SGCZ: variants seen among roughly 807,000 people sequenced by gnomAD.
The protein encoded by SGCZ is sarcoglycan zeta.
In SGCZ, 40 loss-of-function variants were observed where a neutral mutation model predicts 41.3. That is an observed-to-expected ratio of 0.97 (90% CI 0.75 to 1.26). The LOEUF is 1.26. Among genes scored for constraint, SGCZ ranks in the 50% most tolerant of loss-of-function variants. The pLI is 0.00. For missense variants in SGCZ, 552 were observed against 369.8 expected (o/e 1.49, Z -4.04); for synonymous variants, 206 against 137.5 (o/e 1.50, Z -3.49).
chr8:14,484,076 T>C (rs150982954), intron 2 of SGCZ, among the ~76,000 whole-genome samples: 7,191 of 152,286 alleles, frequency 0.047, 222 homozygotes, highest in Middle Eastern at 0.078. Flanking sequence ...TGTTACTTTA[T>C]TATACCTGAA....
chr8:14,675,497 A>T (rs1546485), intron 1 of SGCZ, among the ~76,000 whole-genome samples: 104,666 of 151,956 alleles, frequency 0.69, 37,577 homozygotes, highest in African/African-American at 0.88. Context: ...TTTATTGACC[A>T]CTGTATACAC....
chr8:14,794,615 A>C (rs1442253306), intron 1 of SGCZ, among the ~76,000 whole-genome samples: 2 of 152,232 alleles, frequency 1.3e-5, no homozygotes, highest in Non-Finnish European at 2.9e-5. Context: ...GAAAGAAGTT[A>C]GAAAATAAAA....
intron 2 of SGCZ, among the ~76,000 whole-genome samples, chr8:14,394,682 A>G (rs1020331573): frequency 6.6e-6 from 1 of 152,154 alleles, no homozygotes; most frequent in Non-Finnish European, 1.5e-5. Context: ...CTAAACTACC[A>G]CTGTGGTAGT....
chr8:14,937,812 G>A (rs1010404359), intron 1 of SGCZ, among the ~76,000 whole-genome samples: 4 of 152,146 alleles, frequency 2.6e-5, no homozygotes, highest in Admixed American at 2.6e-4. Context: ...AATGCAGATT[G>A]TAATGAATGA....
intron 1 of SGCZ, among the ~76,000 whole-genome samples, chr8:14,739,286 T>A (rs1277783790): frequency 6.6e-6 from 1 of 151,944 alleles, no homozygotes; most frequent in Non-Finnish European, 1.5e-5. Flanking sequence ...ATCAAACATA[T>A]AAAGACAAGT....
chr8:14,265,226 C>T (rs954269482), intron 3 of SGCZ, among the ~76,000 whole-genome samples: 3 of 152,110 alleles, frequency 2.0e-5, no homozygotes, highest in African/African-American at 7.2e-5. Context: ...GTCATTGGCA[C>T]TCAAGGCGGC....
chr8:14,790,910 A>C (rs1800929224), intron 1 of SGCZ, among the ~76,000 whole-genome samples: 1 of 151,894 alleles, frequency 6.6e-6, no homozygotes, highest in Admixed American at 6.6e-5. Flanking sequence ...GCGCATCTGT[A>C]ATCCTACCCA....
At chr8:14,674,905 C>A (rs1470785668) in intron 1 of SGCZ, among the ~76,000 whole-genome samples, 1 of 140,984 alleles carries the variant, frequency 7.1e-6, no homozygotes, top group Admixed American at 7.1e-5. Flanking sequence ...TACAGTGAGC[C>A]AATTTAACCT....
chr8:14,178,609 G>A (rs988272018), intron 4 of SGCZ, among the ~76,000 whole-genome samples: 6 of 152,180 alleles, frequency 3.9e-5, no homozygotes, highest in African/African-American at 7.2e-5. Flanking sequence ...AGTGAGAACA[G>A]CTGAATTTTC....
chr8:14,766,693 C>A (rs1401849917), intron 1 of SGCZ, among the ~76,000 whole-genome samples: 1 of 150,056 alleles, frequency 6.7e-6, no homozygotes, highest in African/African-American at 2.5e-5. Flanking sequence ...TCCCAAGTAG[C>A]TGGGACCACA....
At position 14,245,533 on chromosome 8, in the gene SGCZ, T is replaced by G. The variant is rs189478940; in HGVS notation, c.337-7854A>C. On this transcript the variant is annotated intron_variant, in intron 3 of 7. Coordinates refer to ENST00000382080, the MANE Select transcript of SGCZ (RefSeq NM_139167.4). ...GCATTACCATTCAGGACATAGACAT[T>G]GGCAAGGACTTCATGTCTAAAACAC... is the stretch of plus-strand genomic sequence containing the variant. Among the ~76,000 whole-genome samples the G allele has an allele frequency of 7.9e-3, 1,201 of 152,150 alleles. 10 individuals are homozygous for G. Among genetic ancestry groups the G allele is most frequent in the Non-Finnish European group, 0.013 (861 of 67,988 alleles).
At position 15,022,501 on chromosome 8, in the gene SGCZ, G is replaced by A. The variant is rs551573101; in HGVS notation, c.39+215084C>T. 8.6e-5 allele frequency among the ~76,000 whole-genome samples: 13 copies of A among 152,012 alleles called. No homozygotes were observed. In the East Asian group the frequency reaches 1.9e-3, roughly 23 times the overall value. On this transcript the variant is annotated intron_variant, in intron 1 of 7. Coordinates refer to ENST00000382080, the MANE Select transcript of SGCZ (RefSeq NM_139167.4). ...TGGGACTACAGGCATGAGCCACCGC[G>A]CCCAGCTAATTTTTGTATTTTTAGC...
At chr8:14,270,548 T>C (rs576889741) in intron 3 of SGCZ, among the ~76,000 whole-genome samples, 11 of 152,214 alleles carry the variant, frequency 7.2e-5, no homozygotes, top group African/African-American at 2.4e-4. Context: ...TTTCCAATTA[T>C]CCCTTTACTT....
chr8:14,635,980 G>A (rs920850341), intron 1 of SGCZ, among the ~76,000 whole-genome samples: 7 of 151,850 alleles, frequency 4.6e-5, no homozygotes, highest in Admixed American at 2.6e-4. Flanking sequence ...TTCTACCCAA[G>A]AAGGTTTGGT....
chr8:15,040,619 C>A (rs1804058914), intron 1 of SGCZ, among the ~76,000 whole-genome samples: 1 of 151,964 alleles, frequency 6.6e-6, no homozygotes, highest in Non-Finnish European at 1.5e-5. Context: ...AAAACTCTAT[C>A]TCAAAACAAA....
At chr8:15,048,183 T>A (rs556936218) in intron 1 of SGCZ, among the ~76,000 whole-genome samples, 1 of 151,992 alleles carries the variant, frequency 6.6e-6, no homozygotes, top group East Asian at 1.9e-4. Flanking sequence ...TGCAGCAACA[T>A]TGATAGAACT....
intron 1 of SGCZ, among the ~76,000 whole-genome samples, chr8:15,172,160 T>TATTTATTTATTTA (rs1554471129): frequency 2.9e-5 from 3 of 105,016 alleles, no homozygotes; most frequent in Admixed American, 2.0e-4. Flanking sequence ...CTCTGTTTTT[T>TATTTATTTATTTA]TTTTTTTTTT....
chr8:14,394,452 T>G (rs1428398583), intron 2 of SGCZ, among the ~76,000 whole-genome samples: 2 of 152,098 alleles, frequency 1.3e-5, no homozygotes, highest in Non-Finnish European at 2.9e-5. Flanking sequence ...CCCAGCCCAC[T>G]TCCCTACCTT....
chr8:14,540,921 TTGTTTAGTTGA>T (rs1803446330), intron 2 of SGCZ, among the ~76,000 whole-genome samples: 1 of 151,634 alleles, frequency 6.6e-6, no homozygotes, highest in South Asian at 2.1e-4. Context: ...CTTGTTATGA[TTGTTTAGTTGA>T]TGTTAACTTC....
Sources: gnomAD v4.1 joint callset for allele counts (sites outside exome capture counted in the v4.1 genomes callset) on GRCh38, gnomAD v4.1.1 for gene constraint, MANE v1.5 for transcripts, NCBI Gene and HGNC (gene_info 2026-07-23, HGNC 2026-07-21) for gene names.